Variants in LOC128706666 observed in about 807,000 individuals in gnomAD.
the LOC128706666 span, among the ~76,000 whole-genome samples, chr20:10,432,782 T>A: frequency 1.0e-5 from 1 of 95,832 alleles, no homozygotes; most frequent in Non-Finnish European, 2.2e-5. Flanking sequence ...AGAGCGAGAC[T>A]CTTTGTCAAA....
the LOC128706666 span, among the ~76,000 whole-genome samples, chr20:10,425,066 AGAAAG>A: frequency 7.3e-6 from 1 of 137,696 alleles, no homozygotes; most frequent in African/African-American, 2.6e-5. Flanking sequence ...AAAAAAAAAA[AGAAAG>A]AAAGAAAATT....
chr20:10,425,686 A>G, the LOC128706666 span, among the ~76,000 whole-genome samples: 1 of 152,244 alleles, frequency 6.6e-6, no homozygotes, highest in Non-Finnish European at 1.5e-5. Context: ...CTCAAGAATA[A>G]GCTCAAAATG....
At chr20:10,431,783 C>G in the LOC128706666 span, 3 of 152,210 alleles carry the variant, frequency 2.0e-5, no homozygotes, top group East Asian at 3.8e-4. Context: ...CTGCTATATT[C>G]CTAGTGCGTA....
At chr20:10,426,185 C>T in the LOC128706666 span, among the ~76,000 whole-genome samples, 1 of 152,194 alleles carries the variant, frequency 6.6e-6, no homozygotes, top group Non-Finnish European at 1.5e-5. Flanking sequence ...AGATTACTGT[C>T]AGTTAACTGT....
chr20:10,416,647 T>C, the LOC128706666 span, among the ~76,000 whole-genome samples: 1 of 152,218 alleles, frequency 6.6e-6, no homozygotes, highest in South Asian at 2.1e-4. Context: ...TTTCCTTGTA[T>C]AAATGCATTT....
At chr20:10,417,775 T>C in the LOC128706666 span, among the ~76,000 whole-genome samples, 1 of 152,178 alleles carries the variant, frequency 6.6e-6, no homozygotes, top group Admixed American at 6.5e-5. Flanking sequence ...TGAAGTATTC[T>C]TGTTCAAAAA....
At chr20:10,417,544 G>A in the LOC128706666 span, among the ~76,000 whole-genome samples, 1 of 152,200 alleles carries the variant, frequency 6.6e-6, no homozygotes, top group African/African-American at 2.4e-5. Context: ...CCAAGAGTTT[G>A]AGGCTGCAGT....
the LOC128706666 span, among the ~76,000 whole-genome samples, chr20:10,416,397 G>A: frequency 2.0e-5 from 3 of 151,972 alleles, no homozygotes; most frequent in African/African-American, 4.8e-5. Context: ...TAAAGACTAC[G>A]TGGGTCATAT....
the LOC128706666 span, among the ~76,000 whole-genome samples, chr20:10,423,610 C>T: frequency 6.6e-6 from 1 of 152,122 alleles, no homozygotes; most frequent in Non-Finnish European, 1.5e-5. Context: ...ATAGTATGAA[C>T]CCTCTTTGAG....
the LOC128706666 span, among the ~76,000 whole-genome samples, chr20:10,422,661 G>A: frequency 6.6e-6 from 1 of 151,868 alleles, no homozygotes; most frequent in South Asian, 2.1e-4. Context: ...AATACTTAAG[G>A]TGACTTTGGC....
At chr20:10,430,792 G>A in the LOC128706666 span, among the ~76,000 whole-genome samples, 1 of 152,228 alleles carries the variant, frequency 6.6e-6, no homozygotes, top group Non-Finnish European at 1.5e-5. Context: ...CAAAGACGGT[G>A]AAAAATTTCA....
chr20:10,430,708 T>A, the LOC128706666 span, among the ~76,000 whole-genome samples: 2 of 152,168 alleles, frequency 1.3e-5, no homozygotes, highest in African/African-American at 4.8e-5. Context: ...ATAGGACAGA[T>A]AACTGTCAAG....
At chr20:10,419,632 C>G in the LOC128706666 span, among the ~76,000 whole-genome samples, 2 of 152,038 alleles carry the variant, frequency 1.3e-5, no homozygotes. Flanking sequence ...CACAATACTC[C>G]TGTGCTTTGG....
the LOC128706666 span, among the ~76,000 whole-genome samples, chr20:10,432,789 C>CACA: frequency 2.7e-5 from 2 of 74,560 alleles, no homozygotes; most frequent in East Asian, 8.7e-4. Flanking sequence ...GACTCTTTGT[C>CACA]AAAAAAAAAA....
At chr20:10,429,995 C>G in the LOC128706666 span, among the ~76,000 whole-genome samples, 1 of 152,080 alleles carries the variant, frequency 6.6e-6, no homozygotes, top group African/African-American at 2.4e-5. Context: ...TCCACTAATC[C>G]ATTCTCTACA....
the LOC128706666 span, among the ~76,000 whole-genome samples, chr20:10,422,294 C>G: frequency 6.6e-6 from 1 of 151,942 alleles, no homozygotes; most frequent in Admixed American, 6.5e-5. Flanking sequence ...TGGCCTTTTC[C>G]TTTTCTAACG....
At chr20:10,419,814 A>G in the LOC128706666 span, among the ~76,000 whole-genome samples, 1 of 152,218 alleles carries the variant, frequency 6.6e-6, no homozygotes. Flanking sequence ...CATGCTACTC[A>G]GAAAGGTGCA....
At chr20:10,415,530 T>A in the LOC128706666 span, among the ~76,000 whole-genome samples, 1 of 152,202 alleles carries the variant, frequency 6.6e-6, no homozygotes, top group Non-Finnish European at 1.5e-5. Flanking sequence ...AACTTTTGTA[T>A]GGCATGAGGA....
the LOC128706666 span, among the ~76,000 whole-genome samples, chr20:10,417,900 C>T: frequency 6.6e-6 from 1 of 152,124 alleles, no homozygotes; most frequent in East Asian, 1.9e-4. Flanking sequence ...ATCAGCCAAA[C>T]TGAGAATGTG....
Sources: gnomAD v4.1 joint callset for allele counts (sites outside exome capture counted in the v4.1 genomes callset) on GRCh38, gnomAD v4.1.1 for gene constraint, MANE v1.5 for transcripts.